Variants in NUDT3 observed in about 807,000 individuals in gnomAD.
The protein encoded by NUDT3 is nudix hydrolase 3.
A neutral mutation model predicts 23.6 loss-of-function variants in NUDT3; 9 were observed. The observed-to-expected ratio is 0.38, with a 90% CI of 0.23 to 0.66. The LOEUF (loss-of-function observed/expected upper bound fraction) is 0.66. Ranked by LOEUF, NUDT3 falls within the 30% of genes least tolerant of loss-of-function variation. The pLI is 0.52. For missense variants in NUDT3, 172 were observed against 218.5 expected (o/e 0.79, Z 1.34); for synonymous variants, 86 against 82.6 (o/e 1.04, Z -0.22).
chr6:34,308,984 C>T (rs1166344885), intron 2 of NUDT3, among the ~76,000 whole-genome samples: 1 of 152,148 alleles, frequency 6.6e-6, no homozygotes, highest in Non-Finnish European at 1.5e-5. Flanking sequence ...ATGGAACATT[C>T]AACAAGACAG....
At chr6:34,298,059 T>A (rs984525899) in intron 2 of NUDT3, among the ~76,000 whole-genome samples, 4 of 151,972 alleles carry the variant, frequency 2.6e-5, no homozygotes, top group African/African-American at 9.7e-5. Context: ...CAACTCAATA[T>A]AATTAATTTA....
chr6:34,290,556 G>GA (rs538814140), intron 4 of NUDT3, among the ~76,000 whole-genome samples: 24 of 151,022 alleles, frequency 1.6e-4, no homozygotes, highest in South Asian at 4.2e-4. Context: ...TCTATATTAT[G>GA]AAAAAAATAT....
At chr6:34,354,292 T>C (rs1037121919) in intron 1 of NUDT3, among the ~76,000 whole-genome samples, 1 of 151,986 alleles carries the variant, frequency 6.6e-6, no homozygotes, top group Non-Finnish European at 1.5e-5. Flanking sequence ...ATTACAGGCA[T>C]GAGCCACTGG....
intron 1 of NUDT3, among the ~76,000 whole-genome samples, chr6:34,389,334 T>G (rs1228740029): frequency 6.6e-6 from 1 of 152,342 alleles, no homozygotes; most frequent in South Asian, 2.1e-4. Flanking sequence ...GTGAAGAAGG[T>G]TCTTACTTCC....
intron 2 of NUDT3, among the ~76,000 whole-genome samples, chr6:34,297,699 T>C (rs1222259286): frequency 7.6e-6 from 1 of 131,476 alleles, no homozygotes; most frequent in Non-Finnish European, 1.6e-5. Context: ...CAGGTGCACA[T>C]CACTACACCC....
chr6:34,331,954 G>A (rs1220248177), intron 2 of NUDT3, among the ~76,000 whole-genome samples: 2 of 152,066 alleles, frequency 1.3e-5, no homozygotes, highest in Non-Finnish European at 2.9e-5. Flanking sequence ...ATGGCTCACT[G>A]CAGCCTTGAT....
intron 1 of NUDT3, among the ~76,000 whole-genome samples, chr6:34,361,926 C>T (rs1251986220): frequency 1.3e-5 from 2 of 152,150 alleles, no homozygotes; most frequent in African/African-American, 4.8e-5. Flanking sequence ...CTGTCTGGTG[C>T]ATACATTTGT....
intron 4 of NUDT3, among the ~76,000 whole-genome samples, chr6:34,290,480 C>T (rs967883371): frequency 6.7e-6 from 1 of 150,082 alleles, no homozygotes; most frequent in Non-Finnish European, 1.5e-5. Context: ...CTTAGCCTCC[C>T]AAAGTACTTG....
At chr6:34,352,915 T>C (rs1371510137) in intron 1 of NUDT3, among the ~76,000 whole-genome samples, 1 of 152,246 alleles carries the variant, frequency 6.6e-6, no homozygotes, top group African/African-American at 2.4e-5. Context: ...CTTTCAGCAT[T>C]AATATTCTGT....
At chr6:34,306,925 A>G (rs999556939) in intron 2 of NUDT3, among the ~76,000 whole-genome samples, 3 of 152,212 alleles carry the variant, frequency 2.0e-5, no homozygotes, top group African/African-American at 7.2e-5. Flanking sequence ...TCGACTAAGG[A>G]GCAATTCTTT....
At chr6:34,391,438 G>T (rs1279209996) in intron 1 of NUDT3, among the ~76,000 whole-genome samples, 1 of 152,096 alleles carries the variant, frequency 6.6e-6, no homozygotes, top group Non-Finnish European at 1.5e-5. Context: ...CACAGAAACG[G>T]CTTTGGGAAG....
intron 2 of NUDT3, among the ~76,000 whole-genome samples, chr6:34,297,374 G>T (rs1431318036): frequency 6.6e-6 from 1 of 151,926 alleles, no homozygotes; most frequent in Non-Finnish European, 1.5e-5. Context: ...AAGCTGCCAG[G>T]CCAGCCTGGG....
At chr6:34,310,051 C>T (rs1763747607) in intron 2 of NUDT3, among the ~76,000 whole-genome samples, 1 of 151,774 alleles carries the variant, frequency 6.6e-6, no homozygotes, top group East Asian at 1.9e-4. Context: ...GGAGCAAAAC[C>T]AGTGAGACCC....
At position 34,303,057 on chromosome 6, in the gene NUDT3, C is replaced by T. The variant is rs6931339; in HGVS notation, c.211-7372G>A. Among the ~76,000 whole-genome samples the T allele has an allele frequency of 6.3e-3, 953 of 152,216 alleles. 10 individuals carry two copies. The highest frequency in any genetic ancestry group is 0.022 in the African/African-American group (901 of 41,552). On this transcript the variant is annotated intron_variant, in intron 2 of 4. Transcript: ENST00000607016. ...GTACCTTTATCCATCCATATAAATG[C>T]CAAAAATCAGTTTTTTCAGATATTT...
chr6:34,326,848 G>C (rs370635277), intron 2 of NUDT3, among the ~76,000 whole-genome samples: 3 of 152,098 alleles, frequency 2.0e-5, no homozygotes, highest in Non-Finnish European at 4.4e-5. Flanking sequence ...TGATCCACCC[G>C]CCGTGGCCTC....
At chr6:34,304,403 GAAGGA>G (rs147578852) in intron 2 of NUDT3, among the ~76,000 whole-genome samples, 20,724 of 151,244 alleles carry the variant, frequency 0.14, 1,511 homozygotes, top group Non-Finnish European at 0.15. Context: ...CATATCGAAA[GAAGGA>G]AAGGAAAGGA....
intron 4 of NUDT3, among the ~76,000 whole-genome samples, chr6:34,292,044 A>G (rs1763430513): frequency 6.6e-6 from 1 of 152,196 alleles, no homozygotes; most frequent in African/African-American, 2.4e-5. Context: ...TTGAATATTA[A>G]TAGAGCAATG....
chr6:34,361,917 T>C (rs1192083011), intron 1 of NUDT3, among the ~76,000 whole-genome samples: 1 of 152,208 alleles, frequency 6.6e-6, no homozygotes, highest in African/African-American at 2.4e-5. Flanking sequence ...AAAACTACTC[T>C]GTCTGGTGCA....
chr6:34,383,448 T>G (rs1003337790), intron 1 of NUDT3, among the ~76,000 whole-genome samples: 1 of 152,178 alleles, frequency 6.6e-6, no homozygotes, highest in African/African-American at 2.4e-5. Flanking sequence ...AGTGCAGTGA[T>G]GCAAACACAG....
Sources: gnomAD v4.1 joint callset for allele counts (sites outside exome capture counted in the v4.1 genomes callset) on GRCh38, gnomAD v4.1.1 for gene constraint, MANE v1.5 for transcripts, NCBI Gene and HGNC (gene_info 2026-07-23, HGNC 2026-07-21) for gene names.